SPTLC1: variants seen among roughly 807,000 people sequenced by gnomAD.
SPTLC1 encodes serine palmitoyltransferase long chain base subunit 1, also known as serine palmitoyltransferase 1.
Under a neutral mutation model 68.9 loss-of-function variants are expected in SPTLC1, and 55 were observed. That is an observed-to-expected ratio of 0.80 (90% CI 0.64 to 1.00). SPTLC1 has a LOEUF of 1.00. Among genes scored for constraint, SPTLC1 ranks in the 50% least tolerant of loss-of-function variants. The pLI, the probability that SPTLC1 is intolerant of heterozygous loss-of-function variation, is 0.00. For missense variants in SPTLC1, 449 were observed against 573.1 expected (o/e 0.78, Z 2.21); for synonymous variants, 197 against 201.6 (o/e 0.98, Z 0.19).
chr9:92,073,326 A>G (rs553885417), intron 5 of SPTLC1, among the ~76,000 whole-genome samples: 6 of 152,334 alleles, frequency 3.9e-5, no homozygotes, highest in African/African-American at 1.4e-4. Context: ...GCTCAATCTT[A>G]TGCTGATGAC....
At chr9:92,083,438 C>T (rs1288588752) in intron 3 of SPTLC1, among the ~76,000 whole-genome samples, 1 of 151,590 alleles carries the variant, frequency 6.6e-6, no homozygotes, top group African/African-American at 2.4e-5. Flanking sequence ...GGAAGGGATC[C>T]AGTTTCAGCT....
intron 5 of SPTLC1, among the ~76,000 whole-genome samples, chr9:92,071,395 C>T (rs996664548): frequency 2.6e-5 from 4 of 152,124 alleles, no homozygotes; most frequent in Non-Finnish European, 4.4e-5. Flanking sequence ...AGTGAAACTC[C>T]GTCTCAACCA....
rs563679329 is a variant in SPTLC1 at position 92,080,858 on chromosome 9, T to C, written c.354+12A>G. Reference sequence around the variant, plus strand: ...ATGTTATCTGTCCACTTCAGCAATATGTGCTACTCACCTTAACCCTAGGGT... The same window carrying C: ...ATGTTATCTGTCCACTTCAGCAATACGTGCTACTCACCTTAACCCTAGGGT... On this transcript the variant is annotated intron_variant, in intron 4 of 14. Transcript: ENST00000262554. The C allele has an allele frequency of 3.0e-5, 47 of 1,590,318 alleles. 1 individual carries two copies. In the South Asian group the frequency reaches 4.2e-4, roughly 14 times the overall value.
intron 11 of SPTLC1, chr9:92,046,275 C>T: frequency 1.7e-6 from 1 of 575,602 alleles, no homozygotes. Flanking sequence ...TTCAACAAAC[C>T]TGGAATGATG....
intron 12 of SPTLC1, among the ~76,000 whole-genome samples, chr9:92,040,914 G>T (rs986946335): frequency 6.6e-6 from 1 of 152,172 alleles, no homozygotes; most frequent in Non-Finnish European, 1.5e-5. Context: ...AATGTCAGAT[G>T]AGTTTAATTA....
rs569638795 is a variant in SPTLC1 at position 92,045,883 on chromosome 9, G to C, written c.1136+116C>G. 4.8e-5 allele frequency: 43 copies of C among 886,856 alleles called. No individual in the cohort carries two copies. The African/African-American group carries it at 6.8e-4, about 14-fold the overall frequency. The allele number at this position is 886,856 out of a possible 1,614,324, so 54.9% of individuals were successfully genotyped here. A position where few individuals can be genotyped will look rare whatever the true frequency, so the allele number is the denominator to read the frequency against. On this transcript the variant is annotated intron_variant, in intron 12 of 14. Coordinates refer to ENST00000262554, the MANE Select transcript of SPTLC1 (RefSeq NM_006415.4). ...CCAATGTGAGTGAACTAAGTTTTTG[G>C]TTTCTTAGCTGCAATCTGGTCAAAC...
chr9:92,067,924 T>C, intron 6 of SPTLC1, 42 bp downstream of exon 6: 1 of 1,597,472 alleles, frequency 6.3e-7, no homozygotes. Context: ...CAGTATTATT[T>C]CAAAGGAACT....
At chr9:92,070,392 C>T (rs933714811) in intron 5 of SPTLC1, 6 of 152,212 alleles carry the variant, frequency 3.9e-5, no homozygotes, top group African/African-American at 9.7e-5. Flanking sequence ...TGATCCATTT[C>T]ACTAACTGGA....
chr9:92,105,390 G>A, intron 3 of SPTLC1: 1 of 1,497,756 alleles, frequency 6.7e-7, no homozygotes, highest in Non-Finnish European at 9.0e-7. Context: ...AGGAGACTAA[G>A]AGAGCTGCTT....
At chr9:92,090,106 C>T (rs1034150333) in intron 3 of SPTLC1, among the ~76,000 whole-genome samples, 1 of 152,166 alleles carries the variant, frequency 6.6e-6, no homozygotes, top group African/African-American at 2.4e-5. Flanking sequence ...CGCAAAGAAG[C>T]TGCACGGATA....
At chr9:92,053,842 T>C (rs1259931123) in intron 8 of SPTLC1, 2 of 587,792 alleles carry the variant, frequency 3.4e-6, no homozygotes, top group Non-Finnish European at 4.3e-6. Context: ...CTAAAGTTGA[T>C]GGTTGCACAC....
intron 6 of SPTLC1, among the ~76,000 whole-genome samples, chr9:92,064,483 A>T (rs1324173834): frequency 1.3e-5 from 2 of 152,242 alleles, no homozygotes; most frequent in Non-Finnish European, 2.9e-5. Flanking sequence ...AGATGTGGAG[A>T]ACCTTGATCA....
intron 9 of SPTLC1, among the ~76,000 whole-genome samples, chr9:92,049,535 C>T (rs1223139953): frequency 6.6e-6 from 1 of 152,160 alleles, no homozygotes; most frequent in Non-Finnish European, 1.5e-5. Context: ...GTATCTACCT[C>T]CCACAAACAC....
intron 5 of SPTLC1, among the ~76,000 whole-genome samples, chr9:92,072,294 C>T (rs2118628879): frequency 6.6e-6 from 1 of 152,196 alleles, no homozygotes; most frequent in East Asian, 1.9e-4. Context: ...CTGCCTCGGT[C>T]TCTCCTCATC....
In SPTLC1 at chr9:92,060,867, G is replaced by A. The variant is rs556059835; in HGVS notation, c.561-1559C>T. ...GGCGGAGCTTGCAGTGAGTCAAGAT[G>A]GCGCCACTGCATTCCAGCCTGGGTG... On this transcript the variant is annotated intron_variant, in intron 6 of 14. Transcript: ENST00000262554. Among the ~76,000 whole-genome samples the A allele has an allele frequency of 3.3e-5, 5 of 150,964 alleles. No homozygotes were observed. In the South Asian group the frequency reaches 8.4e-4, roughly 25 times the overall value.
At chr9:92,058,516 C>A (rs1833971260) in intron 7 of SPTLC1, among the ~76,000 whole-genome samples, 1 of 152,142 alleles carries the variant, frequency 6.6e-6, no homozygotes, top group Non-Finnish European at 1.5e-5. Flanking sequence ...GTAATTTTAA[C>A]AATGATGCTC....
rs1836281972 is a variant in SPTLC1 at position 92,112,437 on chromosome 9, A to C, written c.165+18T>G. On this transcript the variant is annotated intron_variant, in intron 2 of 14. Coordinates refer to ENST00000262554, the MANE Select transcript of SPTLC1 (RefSeq NM_006415.4). ...TAATCACATACCCAATAATTAAAAC[A>C]GAGATTTAATTTCGTACCTTGACTG... is the stretch of plus-strand genomic sequence containing the variant. 222 of 1,451,278 alleles carry C rather than the reference A, an allele frequency of 1.5e-4. No homozygotes were observed. Among genetic ancestry groups the C allele is most frequent in the Middle Eastern group, 2.4e-4 (1 of 4,172 alleles). 89.9% of individuals were successfully genotyped at this position (1,451,278 alleles called of 1,614,324 possible).
chr9:92,034,917 G>C, intron 13 of SPTLC1, 34 bp from the exon 14 acceptor site: 2 of 1,555,690 alleles, frequency 1.3e-6, no homozygotes, highest in Non-Finnish European at 1.8e-6. Flanking sequence ...CTGCAACCTG[G>C]ACTTCAGACA....
chr9:92,045,495 TAAAAA>T (rs376327457), intron 12 of SPTLC1, among the ~76,000 whole-genome samples: 3 of 13,402 alleles, frequency 2.2e-4, no homozygotes, highest in South Asian at 4.9e-3. Context: ...TAAAGTATAA[TAAAAA>T]AAAAAAAAGT....
Sources: allele counts gnomAD v4.1 joint callset (sites outside exome capture counted in the v4.1 genomes callset), GRCh38; gene constraint gnomAD v4.1.1; transcripts MANE v1.5; gene names NCBI Gene and HGNC (gene_info 2026-07-23, HGNC 2026-07-21).